The following SPEN variants were observed in gnomAD, a reference collection of about 807,000 sequenced individuals.
SPEN encodes spen family transcriptional repressor.
A neutral mutation model predicts 269.9 loss-of-function variants in SPEN; 18 were observed. That is an observed-to-expected ratio of 0.07 (90% CI 0.05 to 0.10). The LOEUF (loss-of-function observed/expected upper bound fraction) is 0.10. Ranked by LOEUF, SPEN falls within the 10% of genes least tolerant of loss-of-function variation. The pLI, the probability that SPEN is intolerant of heterozygous loss-of-function variation, is 1.00. For missense variants in SPEN, 3,822 were observed against 4,631.2 expected (o/e 0.83, Z 5.07); for synonymous variants, 1,726 against 1,765.7 (o/e 0.98, Z 0.56).
chr1:15,929,663 T>C lies in SPEN; in HGVS notation c.3423T>C (p.Pro1141=). ...ATTGCAGTCTTCGTGATGAAACACC[T>C]GAACGTAAATCAGGCCAAGAGAAAT... The part of the protein sequence containing the change: ...KNYCSLRDET[P]ERKSGQEKSH... Residue 1141 remains proline, a synonymous_variant, in exon 11 of 15, where the codon CCT becomes CCC. Transcript: ENST00000375759. This position sits in a 1 kb window ranked among gnomAD's most constrained non-coding sequence, Gnocchi z 5.8. The C allele has an allele frequency of 6.2e-7, 1 of 1,614,110 alleles. No individual in the cohort carries two copies. The highest frequency in any genetic ancestry group is 8.5e-7 in the Non-Finnish European group (1 of 1,179,994).
rs753930247 is a variant in SPEN, at chr1:15,930,699, C to T, written c.4459C>T (p.Pro1487Ser). The T allele has an allele frequency of 6.2e-7, 1 of 1,613,988 alleles. No homozygotes were observed. Among genetic ancestry groups the T allele is most frequent in the Non-Finnish European group, 8.5e-7 (1 of 1,179,966 alleles). ...AGATAAAGAAAAGGTTGACTCTGCT[C>T]CAAGACCTATTCCATCCTGGTACAT... ...NKDKEKVDSA[P>S]RPIPSWYMKK... The change falls in exon 11 of 15, where the codon CCA (proline) becomes TCA (serine). Residue 1487 changes from proline (P) to serine (S), a missense_variant. Transcript: ENST00000375759. The surrounding 1 kb of genome is among the most constrained non-coding windows in gnomAD (Gnocchi z 5.3).
In SPEN at chr1:15,938,492, G is replaced by C. The variant is rs901023313; in HGVS notation, c.10705-226G>C. ...GGTGGGGGGATGTAAAGTACCTCTA[G>C]ACCCAGAAACAAGGCTTTACAGTTT... On this transcript the variant is annotated intron_variant, in intron 13 of 14. Transcript: ENST00000375759. 1.1e-4 allele frequency: 49 copies of C among 440,420 alleles called. No homozygotes were observed. In the East Asian group the frequency reaches 2.0e-3, roughly 18 times the overall value. 27.3% of individuals were successfully genotyped at this position (440,420 alleles called of 1,614,324 possible).
intron 5 of SPEN, among the ~76,000 whole-genome samples, chr1:15,914,055 G>C (rs2071034887): frequency 6.6e-6 from 1 of 152,142 alleles, no homozygotes; most frequent in African/African-American, 2.4e-5. Flanking sequence ...AGACCAAATT[G>C]AGCTTAAAAT....
At chr1:15,879,111 GGTAGATCAC>G (rs1211562217) in intron 3 of SPEN, among the ~76,000 whole-genome samples, 1 of 151,786 alleles carries the variant, frequency 6.6e-6, no homozygotes, top group Non-Finnish European at 1.5e-5. Context: ...GGCTGAGGTG[GGTAGATCAC>G]TTGAGGTCGG....
At position 15,911,242 on chromosome 1, in the gene SPEN, C is replaced by T. The variant is rs978129579; in HGVS notation, c.1184C>T (p.Ala395Val). 2 of 1,614,074 alleles carry T rather than the reference C, an allele frequency of 1.2e-6. No homozygotes were observed. Among genetic ancestry groups the T allele is most frequent in the African/African-American group, 2.7e-5 (2 of 75,012 alleles). Reference sequence around the variant, plus strand: ...GAGGACCAAGAAAAAGCCTTGACTGCATCAAAAGGAAAACTTTTCTTTGGC... The same window carrying T: ...GAGGACCAAGAAAAAGCCTTGACTGTATCAAAAGGAAAACTTTTCTTTGGC... ...QQEDQEKALT[A>V]SKGKLFFGMQ... Residue 395 changes from alanine (A) to valine (V), a missense_variant, in exon 5 of 15, where the codon GCA becomes GTA. Around this residue, in one of 16 missense-constraint regions of SPEN, gnomAD observed 230 missense variants for 426.1 expected, o/e 0.54. Transcript: ENST00000375759.
intron 13 of SPEN, 33 bp downstream of exon 13, chr1:15,938,039 C>T: frequency 1.3e-6 from 2 of 1,559,044 alleles, no homozygotes; most frequent in Non-Finnish European, 1.7e-6. Flanking sequence ...AGCAACTGCC[C>T]CACCTACAGG....
chr1:15,883,826 T>C (rs970408447), intron 3 of SPEN, among the ~76,000 whole-genome samples: 3 of 149,020 alleles, frequency 2.0e-5, no homozygotes, highest in African/African-American at 7.4e-5. Context: ...TTTTTTTTTT[T>C]TGAGACAGAG....
intron 3 of SPEN, among the ~76,000 whole-genome samples, chr1:15,886,077 A>G (rs1385776876): frequency 6.6e-6 from 1 of 151,966 alleles, no homozygotes; most frequent in Non-Finnish European, 1.5e-5. Context: ...TCCTTTCTGG[A>G]TTTCCTTTTT....
intron 3 of SPEN, among the ~76,000 whole-genome samples, chr1:15,899,279 T>G (rs1439518478): frequency 1.3e-5 from 2 of 152,138 alleles, no homozygotes; most frequent in Non-Finnish European, 2.9e-5. Context: ...CAAGCCATCT[T>G]CCTGACTCAG....
chr1:15,925,065 A>G (rs1570053619), intron 10 of SPEN, among the ~76,000 whole-genome samples: 1 of 152,228 alleles, frequency 6.6e-6, no homozygotes, highest in Non-Finnish European at 1.5e-5. Context: ...AGGAATGCAA[A>G]TGACAACTCT....
At chr1:15,858,633 A>G (rs925841098) in intron 1 of SPEN, among the ~76,000 whole-genome samples, 3 of 152,184 alleles carry the variant, frequency 2.0e-5, no homozygotes, top group African/African-American at 4.8e-5. Context: ...TTGGATGATC[A>G]GTTGGATTTT....
chr1:15,926,855 C>G (rs1190624184), intron 10 of SPEN, among the ~76,000 whole-genome samples: 3 of 151,918 alleles, frequency 2.0e-5, no homozygotes, highest in African/African-American at 4.8e-5. Context: ...ACCATGCCCG[C>G]CTAATTTTTT....
At chr1:15,891,421 G>A (rs1050239363) in intron 3 of SPEN, among the ~76,000 whole-genome samples, 8 of 149,626 alleles carry the variant, frequency 5.3e-5, no homozygotes, top group South Asian at 2.1e-4. Context: ...GCACCATCTC[G>A]GCTCAGTGCA....
intron 5 of SPEN, among the ~76,000 whole-genome samples, chr1:15,911,665 A>G (rs1295520465): frequency 6.6e-6 from 1 of 152,216 alleles, no homozygotes; most frequent in African/African-American, 2.4e-5. Flanking sequence ...TGAATTGGAA[A>G]GGAAACTACT....
At position 15,878,603 on chromosome 1, in the gene SPEN, CT is replaced by C. The variant is rs1054646158; in HGVS notation, c.881+1933del. Among the ~76,000 whole-genome samples, 3 of 152,174 alleles carry C rather than the reference CT, an allele frequency of 2.0e-5. No individual in the cohort carries two copies. In the East Asian group the frequency reaches 5.8e-4, roughly 29 times the overall value. The stretch of plus-strand genomic sequence containing the variant: ...AAACTAATTATAAAATCTTGTTCCA[CT>C]TTTTTTTCTGCATAGAATTGTCTAA... On this transcript the variant is annotated intron_variant, in intron 3 of 14. Coordinates refer to ENST00000375759, the MANE Select transcript of SPEN (RefSeq NM_015001.3).
intron 2 of SPEN, among the ~76,000 whole-genome samples, chr1:15,875,403 T>C (rs545071172): frequency 3.3e-5 from 5 of 152,270 alleles, no homozygotes; most frequent in African/African-American, 1.2e-4. Flanking sequence ...CCTACAACCA[T>C]TGAGTTTATA....
At position 15,931,430 on chromosome 1, in the gene SPEN, T is replaced by C. The variant is rs140662069; in HGVS notation, c.5190T>C (p.Tyr1730=). Residue 1730 remains tyrosine (Y), a synonymous_variant, in exon 11 of 15, where the codon TAT becomes TAC. Transcript: ENST00000375759. This position sits in a 1 kb window ranked among gnomAD's most constrained non-coding sequence, Gnocchi z 4.8. ...EEGSSGDQPP[Y]LDAKPPTPGA... ...GTTCATCAGGTGACCAGCCGCCTTA[T>C]CTGGATGCCAAGCCTCCAACTCCCG... is the stretch of plus-strand genomic sequence containing the variant. The C allele has an allele frequency of 1.6e-3, 2,633 of 1,614,146 alleles. 11 individuals are homozygous for C. The highest frequency in any genetic ancestry group is 8.6e-3 in the Middle Eastern group (52 of 6,062).
Position 15,937,712 on chromosome 1 carries a change from T to A in SPEN, c.10509+67T>A, listed in dbSNP as rs984544117. 3.1e-6 allele frequency: 5 copies of A among 1,605,848 alleles called. No homozygotes were observed. The highest frequency in any genetic ancestry group is 4.3e-6 in the Non-Finnish European group (5 of 1,174,842). On this transcript the variant is annotated intron_variant, in intron 12 of 14. Transcript: ENST00000375759. The surrounding 1 kb of genome is among the most constrained non-coding windows in gnomAD (Gnocchi z 5.7). ...TATGCCATGTCAAATGTCCTAAGAT[T>A]CCCTAGTTAACAGACCCACAAGCTA...
intron 3 of SPEN, among the ~76,000 whole-genome samples, chr1:15,890,616 G>A (rs1157895968): frequency 1.4e-5 from 2 of 148,054 alleles, no homozygotes; most frequent in African/African-American, 5.0e-5. Flanking sequence ...AGGCTGGAGT[G>A]CAATCTCTGC....
Sources: gnomAD v4.1 joint callset for allele counts (sites outside exome capture counted in the v4.1 genomes callset) on GRCh38, gnomAD v4.1.1 for gene constraint, gnomAD v4.1.1 regional missense constraint, Gnocchi (gnomAD v3.1) non-coding constraint, MANE v1.5 for transcripts, NCBI Gene and HGNC (gene_info 2026-07-23, HGNC 2026-07-21) for gene names.